GRM7: variants seen among roughly 807,000 people sequenced by gnomAD.
The protein encoded by GRM7 is metabotropic glutamate receptor 7.
Under a neutral mutation model 84.5 loss-of-function variants are expected in GRM7, and 35 were observed. The observed-to-expected ratio is 0.41, with a 90% CI of 0.32 to 0.55. GRM7 has a LOEUF of 0.55. Among genes scored for constraint, GRM7 ranks in the 20% least tolerant of loss-of-function variants. The pLI is 0.19. For synonymous variants in GRM7, 487 were observed against 455.1 expected, an observed-to-expected ratio of 1.07 and a Z score of -0.89; for missense variants, 1,003 against 1,194.6, an observed-to-expected ratio of 0.84 and a Z score of 2.36.
intron 2 of GRM7, among the ~76,000 whole-genome samples, chr3:7,281,916 A>G (rs749528596): frequency 1.3e-5 from 2 of 152,196 alleles, no homozygotes; most frequent in African/African-American, 2.4e-5. Context: ...CCCCGTCCCT[A>G]CTAAAATACA....
intron 1 of GRM7, among the ~76,000 whole-genome samples, chr3:6,915,923 T>C (rs569417552): frequency 1.3e-5 from 2 of 152,328 alleles, no homozygotes; most frequent in South Asian, 4.1e-4. Flanking sequence ...ATGTGGATAA[T>C]GGCAAAGTCA....
chr3:7,405,697 G>A (rs955182351), intron 4 of GRM7, among the ~76,000 whole-genome samples: 2 of 152,110 alleles, frequency 1.3e-5, no homozygotes, highest in African/African-American at 2.4e-5. Context: ...TCTATTGAAT[G>A]AGCATTTATT....
intron 1 of GRM7, among the ~76,000 whole-genome samples, chr3:7,100,087 G>A (rs780613511): frequency 7.3e-5 from 11 of 150,886 alleles, no homozygotes; most frequent in Middle Eastern, 3.5e-3. Flanking sequence ...ACAGAAGATC[G>A]TAGGCACTGA....
At chr3:7,033,055 G>T (rs1016711171) in intron 1 of GRM7, among the ~76,000 whole-genome samples, 1 of 152,216 alleles carries the variant, frequency 6.6e-6, no homozygotes, top group East Asian at 1.9e-4. Flanking sequence ...AGGCTCTCAG[G>T]GAGAATCTGT....
At chr3:7,110,570 G>A (rs953378986) in intron 1 of GRM7, among the ~76,000 whole-genome samples, 1 of 150,030 alleles carries the variant, frequency 6.7e-6, no homozygotes, top group Non-Finnish European at 1.5e-5. Flanking sequence ...ACTCCAACCT[G>A]GGCAAGAGAG....
intron 1 of GRM7, among the ~76,000 whole-genome samples, chr3:6,995,357 C>A (rs1316451491): frequency 6.6e-6 from 1 of 152,180 alleles, no homozygotes; most frequent in Non-Finnish European, 1.5e-5. Context: ...ATGGACATGT[C>A]TGTGTTGCAA....
At chr3:7,474,606 C>T (rs1042891023) in intron 7 of GRM7, among the ~76,000 whole-genome samples, 1 of 152,134 alleles carries the variant, frequency 6.6e-6, no homozygotes, top group East Asian at 1.9e-4. Context: ...AGCTAACTTC[C>T]CTTTGCTAAG....
At chr3:7,536,031 G>C in intron 7 of GRM7, among the ~76,000 whole-genome samples, 1 of 152,124 alleles carries the variant, frequency 6.6e-6, no homozygotes. Flanking sequence ...CTCTAATAGG[G>C]CTTCTTGGGA....
chr3:6,867,193 A>G (rs1013400643), intron 1 of GRM7, among the ~76,000 whole-genome samples: 4 of 152,234 alleles, frequency 2.6e-5, no homozygotes, highest in Non-Finnish European at 5.9e-5. Flanking sequence ...AGTGGAAAGC[A>G]TTATAGCAAA....
chr3:7,456,741 ATCT>A (rs1266246750), intron 6 of GRM7, among the ~76,000 whole-genome samples: 1 of 151,848 alleles, frequency 6.6e-6, no homozygotes, highest in East Asian at 1.9e-4. Context: ...GGTCAACAAA[ATCT>A]TCTTTCTCTG....
At chr3:7,050,891 G>A (rs531338319) in intron 1 of GRM7, among the ~76,000 whole-genome samples, 1 of 151,950 alleles carries the variant, frequency 6.6e-6, no homozygotes, top group Admixed American at 6.6e-5. Context: ...CCAGTTGAAT[G>A]AAATTTGCAG....
At chr3:7,562,905 G>T (rs552685676) in intron 7 of GRM7, among the ~76,000 whole-genome samples, 1 of 151,630 alleles carries the variant, frequency 6.6e-6, no homozygotes. Flanking sequence ...TCATTATAAT[G>T]AAATGTGAGA....
At chr3:7,082,834 A>C (rs1035599553) in intron 1 of GRM7, among the ~76,000 whole-genome samples, 2 of 152,116 alleles carry the variant, frequency 1.3e-5, no homozygotes, top group African/African-American at 4.8e-5. Flanking sequence ...ATGTGGTGGA[A>C]ATTGCAAGAG....
intron 1 of GRM7, among the ~76,000 whole-genome samples, chr3:6,925,861 C>T (rs959437927): frequency 3.3e-5 from 5 of 152,196 alleles, no homozygotes; most frequent in Admixed American, 1.3e-4. Context: ...AGCCCATCAT[C>T]ACATCCCTAA....
intron 1 of GRM7, among the ~76,000 whole-genome samples, chr3:7,066,348 A>G (rs919927138): frequency 1.3e-5 from 2 of 151,970 alleles, no homozygotes; most frequent in African/African-American, 2.4e-5. Flanking sequence ...AGATATTACA[A>G]CTGACACCAC....
chr3:7,302,824 G>A (rs1237964662), intron 3 of GRM7, among the ~76,000 whole-genome samples: 2 of 149,936 alleles, frequency 1.3e-5, no homozygotes, highest in African/African-American at 5.0e-5. Flanking sequence ...TCTGTACTTA[G>A]GTTAACTCCA....
At chr3:7,162,786 G>C (rs939947494) in intron 2 of GRM7, among the ~76,000 whole-genome samples, 1 of 70,570 alleles carries the variant, frequency 1.4e-5, no homozygotes, top group South Asian at 5.4e-4. Flanking sequence ...TTGAGATGGA[G>C]TCTCATTCTG....
intron 8 of GRM7, among the ~76,000 whole-genome samples, chr3:7,632,337 T>C (rs1287187638): frequency 6.6e-6 from 1 of 152,196 alleles, no homozygotes; most frequent in African/African-American, 2.4e-5. Flanking sequence ...CTCAGTCTCT[T>C]GTGTGATGGT....
chr3:7,522,186 A>G (rs889056754), intron 7 of GRM7, among the ~76,000 whole-genome samples: 1 of 152,174 alleles, frequency 6.6e-6, no homozygotes, highest in African/African-American at 2.4e-5. Flanking sequence ...GATCAAAATC[A>G]TTGTAACATG....
Sources: allele counts gnomAD v4.1 joint callset (sites outside exome capture counted in the v4.1 genomes callset), GRCh38; gene constraint gnomAD v4.1.1; transcripts MANE v1.5; gene names NCBI Gene and HGNC (gene_info 2026-07-23, HGNC 2026-07-21).